The following CD70 variants were observed in gnomAD, a reference collection of about 807,000 sequenced individuals.
CD70 encodes the protein CD70 molecule, also known as CD70 antigen.
In CD70, 6 loss-of-function variants were observed where a neutral mutation model predicts 9.0. The observed-to-expected ratio is 0.67, with a 90% CI of 0.37 to 1.32. The LOEUF is 1.32. Among genes scored for constraint, CD70 ranks in the 40% most tolerant of loss-of-function variants. The pLI is 0.02. For synonymous variants in CD70, 108 were observed against 112.3 expected, an observed-to-expected ratio of 0.96 and a Z score of 0.24; for missense variants, 235 against 258.7, an observed-to-expected ratio of 0.91 and a Z score of 0.63.
At chr19:6,582,283 G>T (rs1278911780), downstream of CD70, among the ~76,000 whole-genome samples, 1 of 149,990 alleles carries the variant, frequency 6.7e-6, no homozygotes, top group Non-Finnish European at 1.5e-5. Context: ...CAATCTGCTC[G>T]CCTCGGCCTC....
intron 2 of CD70, among the ~76,000 whole-genome samples, chr19:6,588,545 C>T (rs1324651575): frequency 1.3e-5 from 2 of 152,264 alleles, no homozygotes; most frequent in African/African-American, 2.4e-5. Flanking sequence ...AAGAAGCGTT[C>T]GAGAGAGGCT....
chr19:6,591,138 C>G lies in CD70; in HGVS notation c.-136G>C. 1 of 867,034 alleles carries G rather than the reference C, an allele frequency of 1.2e-6. No homozygotes were observed. Among genetic ancestry groups the G allele is most frequent in the Non-Finnish European group, 1.7e-6 (1 of 597,090 alleles). 53.7% of individuals were successfully genotyped at this position (867,034 alleles called of 1,614,324 possible). Reference sequence around the variant, plus strand: ...TTGCTTCAACCTGTCAGGGGACCAGCCTGCCCCTCTCTGGGGATGTCCGGC... The same window carrying G: ...TTGCTTCAACCTGTCAGGGGACCAGGCTGCCCCTCTCTGGGGATGTCCGGC... On this transcript the variant is annotated 5_prime_UTR_variant, in exon 1 of 3. Coordinates refer to ENST00000245903, the MANE Select transcript of CD70 (RefSeq NM_001252.5).
At chr19:6,582,950 C>T (rs531133805), downstream of CD70, among the ~76,000 whole-genome samples, 414 of 152,242 alleles carry the variant, frequency 2.7e-3, 1 homozygote, top group Admixed American at 4.9e-3. Flanking sequence ...GCCTCCCTCC[C>T]GGCTGCTTTC....
chr19:6,585,968 G>T lies in CD70; in HGVS notation c.*52C>A. On this transcript the variant is annotated 3_prime_UTR_variant, in exon 3 of 3. Transcript: ENST00000245903. ...CCCCTGTGTGTACACTTTTTCTCTT[G>T]AACTTAAATAAAATAAAATAAAATT... 3.5e-6 allele frequency: 5 copies of T among 1,419,290 alleles called. No homozygotes were observed. Among genetic ancestry groups the T allele is most frequent in the Middle Eastern group, 2.3e-4 (1 of 4,390 alleles). The allele number at this position is 1,419,290 out of a possible 1,614,324, so 87.9% of individuals were successfully genotyped here.
Position 6,591,013 on chromosome 19 carries a change from AT to A in CD70, c.-12del. ...ACCCTCCTCCGGCATCGCCGCGGCG[AT>A]CACCTCCGCTAGCGCAGGAGGGGCG... is the stretch of plus-strand genomic sequence containing the variant. On this transcript the variant is annotated 5_prime_UTR_variant, in exon 1 of 3. Transcript: ENST00000245903. 1 of 1,587,046 alleles carries A rather than the reference AT, an allele frequency of 6.3e-7. No individual in the cohort carries two copies. The highest frequency in any genetic ancestry group is 1.1e-5 in the South Asian group (1 of 89,086).
At position 6,590,943 on chromosome 19, in the gene CD70, C is replaced by A; in HGVS notation, c.60G>T (p.Arg20=). The change falls in exon 1 of 3, where the codon CGG becomes CGT. Residue 20 remains arginine, a synonymous_variant. Transcript: ENST00000245903. The surrounding 1 kb of genome is among the most constrained non-coding windows in gnomAD (Gnocchi z 5.3). ...CCGCGACCAATGGGACCAAAGCAGCCCGCAGGACGCACCCATAGGGCCTGC... is the reference window on the plus strand; with the variant it reads ...CCGCGACCAATGGGACCAAAGCAGCACGCAGGACGCACCCATAGGGCCTGC... ...VRRRPYGCVL[R]AALVPLVAGL... is the part of the protein sequence containing the mutation. The A allele has an allele frequency of 6.2e-7, 1 of 1,614,056 alleles. No individual in the cohort carries two copies. Among genetic ancestry groups the A allele is most frequent in the Non-Finnish European group, 8.5e-7 (1 of 1,179,974 alleles).
chr19:6,589,279 CTCTT>C (rs893534944), intron 2 of CD70, among the ~76,000 whole-genome samples: 4 of 141,948 alleles, frequency 2.8e-5, no homozygotes, highest in Non-Finnish European at 6.1e-5. Context: ...TTCTTTTTTT[CTCTT>C]TCTTCTTTCT....
At chr19:6,585,804 A>C, downstream of CD70, 1 of 483,980 alleles carries the variant, frequency 2.1e-6, no homozygotes, top group Non-Finnish European at 3.7e-6. Context: ...TCGGCCGAGT[A>C]GCTGGGATTA....
downstream of CD70, chr19:6,583,231 A>C: frequency 1.7e-6 from 1 of 577,712 alleles, no homozygotes. Context: ...GTTTTCTGCC[A>C]CTATTTTCCT....
At position 6,590,141 on chromosome 19, in the gene CD70, A is replaced by C; in HGVS notation, c.163-5T>G. 1 of 1,613,532 alleles carries C rather than the reference A, an allele frequency of 6.2e-7. No individual in the cohort carries two copies. Among genetic ancestry groups the C allele is most frequent in the African/African-American group, 1.3e-5 (1 of 74,988 alleles). On this transcript the variant is annotated splice_polypyrimidine_tract_variant and splice_region_variant and intron_variant, in intron 1 of 2. Transcript: ENST00000245903. This position sits in a 1 kb window ranked among gnomAD's most constrained non-coding sequence, Gnocchi z 5.3. ...CTGCAGCTCAGCTACGTCCCACTGG[A>C]AGAAAAGACCAGAAAACAGGGCACG...
downstream of CD70, among the ~76,000 whole-genome samples, chr19:6,583,770 A>G (rs2883472): frequency 0.72 from 104,777 of 144,686 alleles, 39,550 homozygotes; most frequent in Non-Finnish European, 0.83. Context: ...TGTTAGCCAG[A>G]TTGGTAACTG....
In CD70 at chr19:6,590,762, T is replaced by G; in HGVS notation, c.162+79A>C. The G allele has an allele frequency of 1.5e-6, 2 of 1,295,290 alleles. No homozygotes were observed. The highest frequency in any genetic ancestry group is 1.8e-5 in the Admixed American group (1 of 55,260). 80.2% of individuals were successfully genotyped at this position (1,295,290 alleles called of 1,614,324 possible). A position where few individuals can be genotyped will look rare whatever the true frequency, so the allele number is the denominator to read the frequency against. ...CCCTACCAGATCTTCCTCTCTGGCCTCTTTGTACCCATCTCATTCTGTCTT... is the reference window on the plus strand; with the variant it reads ...CCCTACCAGATCTTCCTCTCTGGCCGCTTTGTACCCATCTCATTCTGTCTT... On this transcript the variant is annotated intron_variant, in intron 1 of 2. Coordinates refer to ENST00000245903, the MANE Select transcript of CD70 (RefSeq NM_001252.5). This position sits in a 1 kb window ranked among gnomAD's most constrained non-coding sequence, Gnocchi z 5.3.
At chr19:6,587,901 GGT>G (rs1334547591) in intron 2 of CD70, among the ~76,000 whole-genome samples, 7 of 151,938 alleles carry the variant, frequency 4.6e-5, no homozygotes, top group African/African-American at 7.3e-5. Context: ...TAGAGATGGT[GGT>G]CTTGCTATGT....
chr19:6,583,358 C>T, downstream of CD70: 1 of 701,692 alleles, frequency 1.4e-6, no homozygotes, highest in East Asian at 2.7e-5. Context: ...ATGATTCCTC[C>T]AGCTTTGTAG....
intron 2 of CD70, among the ~76,000 whole-genome samples, 193 bp downstream of exon 2, chr19:6,589,910 G>A (rs1257277834): frequency 8.0e-6 from 1 of 125,684 alleles, no homozygotes; most frequent in Non-Finnish European, 1.7e-5. Context: ...CCCTTTCTCT[G>A]GGCCTCTCCC....
downstream of CD70, among the ~76,000 whole-genome samples, chr19:6,582,208 T>G (rs1915931370): frequency 6.7e-6 from 1 of 148,204 alleles, no homozygotes; most frequent in South Asian, 2.2e-4. Flanking sequence ...TTTTTTTTTT[T>G]GTATTTTAGT....
chr19:6,590,718 G>T lies in CD70; in HGVS notation c.162+123C>A. 2 of 916,166 alleles carry T rather than the reference G, an allele frequency of 2.2e-6. No homozygotes were observed. The highest frequency in any genetic ancestry group is 3.4e-6 in the Non-Finnish European group (2 of 593,584). 56.8% of individuals were successfully genotyped at this position (916,166 alleles called of 1,614,324 possible). On this transcript the variant is annotated intron_variant, in intron 1 of 2. Transcript: ENST00000245903. The surrounding 1 kb of genome is among the most constrained non-coding windows in gnomAD (Gnocchi z 5.3). The stretch of plus-strand genomic sequence containing the variant: ...AGCCTGGTCCCCGCCTCGCCTCCCT[G>T]TTCTGGTCTCTGTCTCTGCCCTACC...
Position 6,590,566 on chromosome 19 carries a change from A to G in CD70, c.162+275T>C, listed in dbSNP as rs1344851046. Among the ~76,000 whole-genome samples the G allele has an allele frequency of 1.3e-5, 2 of 151,996 alleles. No individual in the cohort carries two copies. Among genetic ancestry groups the G allele is most frequent in the Admixed American group, 1.3e-4 (2 of 15,270 alleles). On this transcript the variant is annotated intron_variant, in intron 1 of 2. Transcript: ENST00000245903. This position sits in a 1 kb window ranked among gnomAD's most constrained non-coding sequence, Gnocchi z 5.3. ...CTTGTGAAGCCCCCAGCAGCCTCTG[A>G]GTCAGCCTGCCGGGGGAACACCAGA...
At chr19:6,584,010 C>G (rs1915968884), downstream of CD70, among the ~76,000 whole-genome samples, 1 of 150,936 alleles carries the variant, frequency 6.6e-6, no homozygotes, top group South Asian at 2.1e-4. Flanking sequence ...CCAGGCTGGT[C>G]TCAAACTCCT....
Sources: gnomAD v4.1 joint callset for allele counts (sites outside exome capture counted in the v4.1 genomes callset) on GRCh38, gnomAD v4.1.1 for gene constraint, Gnocchi (gnomAD v3.1) non-coding constraint, MANE v1.5 for transcripts, NCBI Gene and HGNC (gene_info 2026-07-23, HGNC 2026-07-21) for gene names.